The following SERPINB5 variants were observed in gnomAD, a reference collection of about 807,000 sequenced individuals.
The protein encoded by SERPINB5 is serpin family B member 5, also known as serpin B5.
In SERPINB5, 27 loss-of-function variants were observed where a neutral mutation model predicts 32.2. That is an observed-to-expected ratio of 0.84 (90% CI 0.62 to 1.16). SERPINB5 has a LOEUF of 1.16. Ranked by LOEUF, SERPINB5 falls within the 50% of genes most tolerant of loss-of-function variation. SERPINB5 has a pLI of 0.00. For missense variants in SERPINB5, 388 were observed against 436.3 expected, an observed-to-expected ratio of 0.89 and a Z score of 0.99; for synonymous variants, 154 against 157.4, an observed-to-expected ratio of 0.98 and a Z score of 0.16.
In SERPINB5 at chr18:63,487,198, G is replaced by T. The variant is rs9964515; in HGVS notation, c.306+115G>T. On this transcript the variant is annotated intron_variant, in intron 3 of 6. Transcript: ENST00000382771. ...ATTCCTTTCTAGGATGTTCACTTGTGATTTGAGGCTTTAAATAAATAAATC... is the reference window on the plus strand; with the variant it reads ...ATTCCTTTCTAGGATGTTCACTTGTTATTTGAGGCTTTAAATAAATAAATC... 74 of 996,338 alleles carry T rather than the reference G, an allele frequency of 7.4e-5. No homozygotes were observed. In the African/African-American group the frequency reaches 1.0e-3, roughly 14 times the overall value. The allele number at this position is 996,338 out of a possible 1,614,324, so 61.7% of individuals were successfully genotyped here.
intron 2 of SERPINB5, among the ~76,000 whole-genome samples, chr18:63,486,328 G>T (rs972080013): frequency 6.6e-6 from 1 of 152,148 alleles, no homozygotes; most frequent in Non-Finnish European, 1.5e-5. Flanking sequence ...TATTGTAGCT[G>T]CCCATCAGAA....
rs1327355598 is a variant in SERPINB5 at position 63,503,913 on chromosome 18, T to G, written c.*191T>G. ...TTTTTTTTCCAATTCTATCTTTTGTTTCCTTTTTTCCCATAAGACAATGAC... is the reference window on the plus strand; with the variant it reads ...TTTTTTTTCCAATTCTATCTTTTGTGTCCTTTTTTCCCATAAGACAATGAC... On this transcript the variant is annotated 3_prime_UTR_variant, in exon 7 of 7. Coordinates refer to ENST00000382771, the MANE Select transcript of SERPINB5 (RefSeq NM_002639.5). 1 of 586,214 alleles carries G rather than the reference T, an allele frequency of 1.7e-6. No homozygotes were observed. Among genetic ancestry groups the G allele is most frequent in the African/African-American group, 1.9e-5 (1 of 53,108 alleles). 36.3% of individuals were successfully genotyped at this position (586,214 alleles called of 1,614,324 possible).
At chr18:63,493,526 C>A (rs969207961) in intron 5 of SERPINB5, 3 of 326,768 alleles carry the variant, frequency 9.2e-6, no homozygotes, top group Non-Finnish European at 1.7e-5. Flanking sequence ...CGGTTGATAG[C>A]GAAGTATATT....
chr18:63,478,083 T>A (rs1311797930), intron 1 of SERPINB5, among the ~76,000 whole-genome samples: 1 of 152,192 alleles, frequency 6.6e-6, no homozygotes, highest in Non-Finnish European at 1.5e-5. Context: ...GTGTAAGTGT[T>A]CGATGAGTTC....
chr18:63,489,910 C>T (rs1422664994), intron 4 of SERPINB5, among the ~76,000 whole-genome samples: 1 of 151,058 alleles, frequency 6.6e-6, no homozygotes, highest in East Asian at 1.9e-4. Context: ...AAAGAAAAAC[C>T]GGCTGGACGC....
rs1210570415 is a variant in SERPINB5, at chr18:63,503,535, C to G, written c.941C>G (p.Ala314Gly). Residue 314 changes from alanine to glycine, a missense_variant, in exon 7 of 7, where the codon GCC becomes GGC. By Grantham distance (60) the Ala-to-Gly change is moderately conservative (BLOSUM62 0). Transcript: ENST00000382771. The part of the protein sequence containing the change: ...FSGMSETKGV[A>G]LSNVIHKVCL... ...GGAATGTCAGAGACCAAGGGAGTGG[C>G]CCTATCAAATGTTATCCACAAAGTG... The G allele has an allele frequency of 6.2e-7, 1 of 1,614,098 alleles. No homozygotes were observed. The highest frequency in any genetic ancestry group is 8.5e-7 in the Non-Finnish European group (1 of 1,180,040).
chr18:63,478,794 T>C (rs6567357), intron 1 of SERPINB5, among the ~76,000 whole-genome samples: 102,968 of 147,598 alleles, frequency 0.7, 36,522 homozygotes, highest in African/African-American at 0.82. Context: ...GAGTCTTGCT[T>C]TGTCACCCAG....
intron 1 of SERPINB5, among the ~76,000 whole-genome samples, chr18:63,482,042 G>A (rs760525309): frequency 3.3e-5 from 5 of 152,218 alleles, no homozygotes; most frequent in Non-Finnish European, 5.9e-5. Flanking sequence ...CCATGGAAAT[G>A]ACCAGTGAGC....
chr18:63,493,498 A>T (rs1909383305), intron 5 of SERPINB5: 1 of 414,178 alleles, frequency 2.4e-6, no homozygotes, highest in Non-Finnish European at 4.2e-6. Flanking sequence ...TAACTTCTCT[A>T]ACATCTCATT....
chr18:63,486,445 C>T (rs1460220353), intron 2 of SERPINB5, among the ~76,000 whole-genome samples: 1 of 152,234 alleles, frequency 6.6e-6, no homozygotes, highest in Non-Finnish European at 1.5e-5. Context: ...ATGATGGTGT[C>T]TCTTGTATCA....
At chr18:63,500,365 C>T (rs1031995670) in intron 6 of SERPINB5, among the ~76,000 whole-genome samples, 3 of 151,962 alleles carry the variant, frequency 2.0e-5, no homozygotes, top group African/African-American at 7.3e-5. Flanking sequence ...ACCTGGCCTT[C>T]ACAATTTACG....
chr18:63,496,914 C>T lies in SERPINB5; in HGVS notation c.568-2206C>T, dbSNP rs367665200. On this transcript the variant is annotated intron_variant, in intron 5 of 6. Coordinates refer to ENST00000382771, the MANE Select transcript of SERPINB5 (RefSeq NM_002639.5). The stretch of plus-strand genomic sequence containing the variant: ...AGTGCTTGGACATAAAAGACCTGAA[C>T]GATCAGACCCTTCCATGGGCTCCCT... 18 of 335,452 alleles carry T rather than the reference C, an allele frequency of 5.4e-5. 1 individual carries two copies. Among genetic ancestry groups the T allele is most frequent in the African/African-American group, 2.0e-4 (9 of 46,066 alleles). 20.8% of individuals were successfully genotyped at this position (335,452 alleles called of 1,614,324 possible). A position where few individuals can be genotyped will look rare whatever the true frequency, so the allele number is the denominator to read the frequency against.
intron 5 of SERPINB5, 69 bp from the exon 6 acceptor site, chr18:63,499,045 GTGTATA>G: frequency 8.6e-6 from 5 of 581,910 alleles, no homozygotes; most frequent in South Asian, 4.7e-5. Context: ...GCGCGCGTGT[GTGTATA>G]TATATATATA....
In SERPINB5 at chr18:63,503,533, G is replaced by A. The variant is rs759361420; in HGVS notation, c.939G>A (p.Val313=). The A allele has an allele frequency of 6.2e-6, 10 of 1,614,102 alleles. No individual in the cohort carries two copies. Among genetic ancestry groups the A allele is most frequent in the East Asian group, 4.5e-5 (2 of 44,898 alleles). ...CTGGAATGTCAGAGACCAAGGGAGT[G>A]GCCCTATCAAATGTTATCCACAAAG... ...DFSGMSETKG[V]ALSNVIHKVC... The change falls in exon 7 of 7, where the codon GTG becomes GTA. Residue 313 remains valine (V), a synonymous_variant. Transcript: ENST00000382771.
chr18:63,481,272 A>G (rs963372627), intron 1 of SERPINB5, among the ~76,000 whole-genome samples: 7 of 152,358 alleles, frequency 4.6e-5, no homozygotes, highest in African/African-American at 1.7e-4. Flanking sequence ...TAAAATGGTA[A>G]AATGAACATC....
intron 1 of SERPINB5, among the ~76,000 whole-genome samples, chr18:63,478,422 A>C (rs1190976108): frequency 6.6e-6 from 1 of 152,220 alleles, no homozygotes; most frequent in South Asian, 2.1e-4. Context: ...GCTGTATTGT[A>C]CTTTCTTGCC....
intron 5 of SERPINB5, 108 bp downstream of exon 5, chr18:63,493,203 G>A: frequency 1.4e-6 from 2 of 1,466,504 alleles, no homozygotes; most frequent in Non-Finnish European, 1.9e-6. Flanking sequence ...TGAGGGCACG[G>A]CCGGCAAAGT....
chr18:63,488,875 T>C (rs2144498799), intron 3 of SERPINB5, among the ~76,000 whole-genome samples: 1 of 152,322 alleles, frequency 6.6e-6, no homozygotes, highest in Non-Finnish European at 1.5e-5. Flanking sequence ...AGATTCTTTA[T>C]TTCTAACAAG....
At chr18:63,501,244 C>G (rs1024767305) in intron 6 of SERPINB5, among the ~76,000 whole-genome samples, 2 of 139,862 alleles carry the variant, frequency 1.4e-5, no homozygotes, top group Non-Finnish European at 3.1e-5. Flanking sequence ...CTTCCTGTTT[C>G]CAGGTGTTCT....
Sources: allele counts gnomAD v4.1 joint callset (sites outside exome capture counted in the v4.1 genomes callset), GRCh38; gene constraint gnomAD v4.1.1; transcripts MANE v1.5; gene names NCBI Gene and HGNC (gene_info 2026-07-23, HGNC 2026-07-21).